Variants in ZBTB16 observed in about 807,000 individuals in gnomAD.
ZBTB16 encodes the protein zinc finger and BTB domain containing 16.
ZBTB16 carries 8 observed loss-of-function variants against 56.8 expected under a neutral mutation model. The observed-to-expected ratio is 0.14, with a 90% confidence interval of 0.08 to 0.25. The LOEUF (loss-of-function observed/expected upper bound fraction) is 0.25. Ranked by LOEUF, ZBTB16 falls within the 10% of genes least tolerant of loss-of-function variation. The probability of loss-of-function intolerance (pLI) is 1.00; values close to 1 mark genes in which losing one functional copy is unlikely to be tolerated. For synonymous variants in ZBTB16, 363 were observed against 368.5 expected, an observed-to-expected ratio of 0.98 and a Z score of 0.17; for missense variants, 625 against 903.0, an observed-to-expected ratio of 0.69 and a Z score of 3.95.
At chr11:114,134,692 T>A (rs1318332) in intron 2 of ZBTB16, among the ~76,000 whole-genome samples, 58,880 of 151,316 alleles carry the variant, frequency 0.39, 11,951 homozygotes, top group African/African-American at 0.52. Flanking sequence ...GAACTGAAAA[T>A]CCTCAAATGT....
intron 4 of ZBTB16, among the ~76,000 whole-genome samples, chr11:114,208,916 CA>C (rs1943942400): frequency 6.6e-6 from 1 of 152,162 alleles, no homozygotes; most frequent in African/African-American, 2.4e-5. Flanking sequence ...CCGAATGGGT[CA>C]ATGAGACAGA....
Position 114,252,389 on chromosome 11 carries a change from C to T in ZBTB16, c.*1834C>T, listed in dbSNP as rs1944932632. ...CACGGCTGGTCTTTGGGGAGGGGGGCGGGATCCAGCCTTTGTTTTGTTGTG... is the reference window on the plus strand; with the variant it reads ...CACGGCTGGTCTTTGGGGAGGGGGGTGGGATCCAGCCTTTGTTTTGTTGTG... On this transcript the variant is annotated 3_prime_UTR_variant, in exon 7 of 7. Transcript: ENST00000335953. Among the ~76,000 whole-genome samples the T allele has an allele frequency of 9.8e-6, 1 of 102,470 alleles. No homozygotes were observed. The highest frequency in any genetic ancestry group is 2.0e-5 in the Non-Finnish European group (1 of 50,536). 67.2% of individuals were successfully genotyped at this position (102,470 alleles called of 152,430 possible). A position where few individuals can be genotyped will look rare whatever the true frequency, so the allele number is the denominator to read the frequency against.
chr11:114,083,948 T>A (rs1939872566), intron 2 of ZBTB16, among the ~76,000 whole-genome samples: 1 of 152,196 alleles, frequency 6.6e-6, no homozygotes, highest in African/African-American at 2.4e-5. Flanking sequence ...TGATAAATCT[T>A]CTATCACTGT....
intron 4 of ZBTB16, among the ~76,000 whole-genome samples, chr11:114,226,839 G>A (rs1172565021): frequency 6.6e-6 from 1 of 152,096 alleles, no homozygotes; most frequent in Non-Finnish European, 1.5e-5. Flanking sequence ...GGGGGTAATG[G>A]GAAATGCTAG....
At chr11:114,099,294 C>T (rs1243784165) in intron 2 of ZBTB16, among the ~76,000 whole-genome samples, 2 of 151,988 alleles carry the variant, frequency 1.3e-5, no homozygotes, top group Non-Finnish European at 2.9e-5. Context: ...ATTTTTTCCC[C>T]ATGAGGAGGA....
intron 2 of ZBTB16, among the ~76,000 whole-genome samples, chr11:114,144,167 G>A (rs1019388745): frequency 3.4e-5 from 5 of 147,732 alleles, no homozygotes; most frequent in Non-Finnish European, 7.4e-5. Context: ...TCTGGCCTGT[G>A]TGTTTGCCAG....
chr11:114,221,818 G>T (rs1403936650), intron 4 of ZBTB16, among the ~76,000 whole-genome samples: 1 of 152,144 alleles, frequency 6.6e-6, no homozygotes. Context: ...CTCTTAAAAG[G>T]CAATTTCAGA....
At chr11:114,166,611 C>G (rs182922365) in intron 3 of ZBTB16, among the ~76,000 whole-genome samples, 1 of 152,276 alleles carries the variant, frequency 6.6e-6, no homozygotes, top group African/African-American at 2.4e-5. Context: ...ATGAGCTCAT[C>G]ATATCGAGTG....
chr11:114,090,635 A>G (rs578083774), intron 2 of ZBTB16, among the ~76,000 whole-genome samples: 9 of 152,266 alleles, frequency 5.9e-5, no homozygotes, highest in African/African-American at 2.2e-4. Context: ...TTCATCCCTC[A>G]ATCCTGGGAG....
At chr11:114,085,138 T>C (rs1021037625) in intron 2 of ZBTB16, among the ~76,000 whole-genome samples, 1 of 152,232 alleles carries the variant, frequency 6.6e-6, no homozygotes, top group Non-Finnish European at 1.5e-5. Context: ...GAGTGGAGGC[T>C]GTGGCCCACA....
intron 4 of ZBTB16, chr11:114,187,423 C>G (rs1374877223): frequency 3.8e-6 from 1 of 265,434 alleles, no homozygotes; most frequent in East Asian, 8.1e-5. Flanking sequence ...CTGAAACCCT[C>G]GTGTGGCCAC....
rs1276562371 is a variant in ZBTB16 at position 114,124,560 on chromosome 11, A to AC, written c.1269-31777_1269-31776insC. ...AAAACAAAACAAAAAAAAAAACCAA[A>AC]AAAAAAAAAAAACAAAAACAAAACA... On this transcript the variant is annotated intron_variant, in intron 2 of 6. Coordinates refer to ENST00000335953, the MANE Select transcript of ZBTB16 (RefSeq NM_006006.6). Among the ~76,000 whole-genome samples, 789 of 145,810 alleles carry AC rather than the reference A, an allele frequency of 5.4e-3. 6 individuals are homozygous for AC. The highest frequency in any genetic ancestry group is 0.018 in the African/African-American group (712 of 39,664).
chr11:114,178,242 AATG>A (rs1026767772), intron 3 of ZBTB16, among the ~76,000 whole-genome samples: 1 of 152,220 alleles, frequency 6.6e-6, no homozygotes, highest in Non-Finnish European at 1.5e-5. Context: ...TCCTGATGAC[AATG>A]ATGATGTTGG....
chr11:114,087,045 C>A (rs1332085123), intron 2 of ZBTB16, among the ~76,000 whole-genome samples: 1 of 152,164 alleles, frequency 6.6e-6, no homozygotes, highest in Admixed American at 6.5e-5. Context: ...TCCCTGGGAT[C>A]TGTGTTTGAA....
Position 114,252,549 on chromosome 11 carries a change from G to A in ZBTB16, c.*1994G>A, listed in dbSNP as rs886319506. Among the ~76,000 whole-genome samples, 1 of 152,018 alleles carries A rather than the reference G, an allele frequency of 6.6e-6. No homozygotes were observed. The highest frequency in any genetic ancestry group is 6.5e-5 in the Admixed American group (1 of 15,268). ...ACCTCCCCCGACCCTCCTGAATTTT[G>A]GAAAGCACATTTGCAATATTCGTGT... On this transcript the variant is annotated 3_prime_UTR_variant, in exon 7 of 7. Transcript: ENST00000335953.
At chr11:114,136,330 G>A (rs1198483375) in intron 2 of ZBTB16, among the ~76,000 whole-genome samples, 1 of 152,180 alleles carries the variant, frequency 6.6e-6, no homozygotes, top group Non-Finnish European at 1.5e-5. Flanking sequence ...CCACCCAAAA[G>A]CAACTGTGGA....
chr11:114,109,570 TG>T (rs1173759435), intron 2 of ZBTB16, among the ~76,000 whole-genome samples: 1 of 152,028 alleles, frequency 6.6e-6, no homozygotes, highest in Non-Finnish European at 1.5e-5. Flanking sequence ...TCCCGCAGGA[TG>T]GGTTATGGCC....
chr11:114,194,351 C>A (rs1275412449), intron 4 of ZBTB16, among the ~76,000 whole-genome samples: 1 of 152,166 alleles, frequency 6.6e-6, no homozygotes, highest in African/African-American at 2.4e-5. Flanking sequence ...TCACATCTCA[C>A]CCTTTTGACC....
chr11:114,227,325 G>A (rs1263906585), intron 4 of ZBTB16, among the ~76,000 whole-genome samples: 1 of 152,180 alleles, frequency 6.6e-6, no homozygotes, highest in African/African-American at 2.4e-5. Context: ...GGGAAGGTGT[G>A]GTCAGCAGAC....
Sources: allele counts gnomAD v4.1 joint callset (sites outside exome capture counted in the v4.1 genomes callset), GRCh38; gene constraint gnomAD v4.1.1; transcripts MANE v1.5; gene names NCBI Gene and HGNC (gene_info 2026-07-23, HGNC 2026-07-21).